TENM2: variants seen among roughly 807,000 people sequenced by gnomAD.
TENM2 encodes teneurin transmembrane protein 2.
In TENM2, 52 loss-of-function variants were observed where a neutral mutation model predicts 245.2. The ratio of observed to expected loss-of-function variants is 0.21; its 90% confidence interval spans 0.17 to 0.27. TENM2 has a LOEUF of 0.27. Among genes scored for constraint, TENM2 ranks in the 10% least tolerant of loss-of-function variants. The pLI is 1.00. For missense variants in TENM2, 3,046 were observed against 3,666.8 expected (o/e 0.83, Z 4.37); for synonymous variants, 1,363 against 1,438.9 (o/e 0.95, Z 1.19).
intron 4 of TENM2, among the ~76,000 whole-genome samples, chr5:167,987,402 A>G (rs1010267151): frequency 6.6e-6 from 1 of 150,760 alleles, no homozygotes; most frequent in Non-Finnish European, 1.5e-5. Flanking sequence ...GTCTCAGCTC[A>G]CTGCAACCTC....
At chr5:167,360,844 C>G (rs557782455) in intron 1 of TENM2, among the ~76,000 whole-genome samples, 35 of 152,228 alleles carry the variant, frequency 2.3e-4, no homozygotes, top group African/African-American at 6.3e-4. Context: ...TGCGTACTAT[C>G]AAACCATAAG....
chr5:167,884,275 T>C (rs927497952), intron 3 of TENM2, among the ~76,000 whole-genome samples: 1 of 152,188 alleles, frequency 6.6e-6, no homozygotes, highest in Admixed American at 6.5e-5. Context: ...AAATTTACCA[T>C]TTATACTATT....
At chr5:168,113,157 ATT>A (rs144728994) in intron 9 of TENM2, among the ~76,000 whole-genome samples, 4 of 150,254 alleles carry the variant, frequency 2.7e-5, no homozygotes, top group African/African-American at 9.8e-5. Context: ...TCTCTACCGA[ATT>A]TTTTTTTTAA....
intron 7 of TENM2, among the ~76,000 whole-genome samples, chr5:168,083,182 C>T (rs2152209119): frequency 6.6e-6 from 1 of 152,300 alleles, no homozygotes; most frequent in Admixed American, 6.5e-5. Context: ...TCGCTGCCAC[C>T]TTGCTGTTGG....
At chr5:167,796,194 T>C (rs961708873) in intron 2 of TENM2, among the ~76,000 whole-genome samples, 1 of 152,206 alleles carries the variant, frequency 6.6e-6, no homozygotes, top group Non-Finnish European at 1.5e-5. Context: ...TCTAGTCATA[T>C]CTACTCTTGA....
intron 1 of TENM2, among the ~76,000 whole-genome samples, chr5:167,372,795 T>C (rs1760514527): frequency 1.3e-5 from 2 of 152,162 alleles, no homozygotes; most frequent in Non-Finnish European, 2.9e-5. Flanking sequence ...GACTTAAGGA[T>C]GAGAAAAGCA....
intron 5 of TENM2, among the ~76,000 whole-genome samples, chr5:168,039,577 C>T (rs1047268404): frequency 1.3e-5 from 2 of 151,880 alleles, no homozygotes; most frequent in Non-Finnish European, 2.9e-5. Flanking sequence ...GCAGCAGGAA[C>T]GGGGTGGTCT....
chr5:167,808,043 A>G (rs1261436927), intron 2 of TENM2, among the ~76,000 whole-genome samples: 2 of 152,206 alleles, frequency 1.3e-5, no homozygotes, highest in Non-Finnish European at 2.9e-5. Flanking sequence ...ACACCATTCA[A>G]TCACTGGCAG....
chr5:167,638,130 TGTGTGTGTGTGTGTC>T (rs1779334107), intron 2 of TENM2, among the ~76,000 whole-genome samples: 1 of 143,006 alleles, frequency 7.0e-6, no homozygotes, highest in Non-Finnish European at 1.5e-5. Flanking sequence ...TGTGTGTGTG[TGTGTGTGTGTGTGTC>T]AGGGGGCATG....
intron 2 of TENM2, among the ~76,000 whole-genome samples, chr5:167,472,565 G>A (rs1454841811): frequency 6.6e-6 from 1 of 152,140 alleles, no homozygotes; most frequent in East Asian, 1.9e-4. Flanking sequence ...AACAGAAAAG[G>A]TCTTGCCTTG....
chr5:167,224,678 A>C, the TENM2 span, among the ~76,000 whole-genome samples: 1 of 151,588 alleles, frequency 6.6e-6, no homozygotes, highest in South Asian at 2.1e-4. Flanking sequence ...CTGGCTATTT[A>C]TTTTTGTTCA....
chr5:167,157,616 T>C, the TENM2 span, among the ~76,000 whole-genome samples: 1 of 152,202 alleles, frequency 6.6e-6, no homozygotes, highest in African/African-American at 2.4e-5. Flanking sequence ...TTTTTATATC[T>C]ATGTGAACAC....
intron 3 of TENM2, among the ~76,000 whole-genome samples, chr5:167,907,114 C>T (rs543778920): frequency 1.3e-5 from 2 of 152,196 alleles, no homozygotes; most frequent in East Asian, 3.9e-4. Context: ...TGCCTGTAAT[C>T]CCAGCTACTC....
intron 1 of TENM2, among the ~76,000 whole-genome samples, chr5:167,346,982 C>T (rs1758498606): frequency 6.6e-6 from 1 of 151,918 alleles, no homozygotes; most frequent in Non-Finnish European, 1.5e-5. Flanking sequence ...CCATGTTGCC[C>T]AGGCTGGTCT....
At chr5:168,154,330 C>A (rs1756960129) in intron 12 of TENM2, among the ~76,000 whole-genome samples, 1 of 152,006 alleles carries the variant, frequency 6.6e-6, no homozygotes, top group African/African-American at 2.4e-5. Flanking sequence ...AATTCTCCTG[C>A]CTCAGCCTCT....
At chr5:167,444,806 A>G (rs1765067739) in intron 2 of TENM2, among the ~76,000 whole-genome samples, 1 of 152,156 alleles carries the variant, frequency 6.6e-6, no homozygotes, top group Admixed American at 6.6e-5. Context: ...GCATTGGGGC[A>G]AGTATTAAAA....
rs118127462 is a variant in TENM2 at position 168,182,391 on chromosome 5, T to C, written c.2570-7946T>C. 1.3e-3 allele frequency among the ~76,000 whole-genome samples: 195 copies of C among 152,306 alleles called. 2 individuals carry two copies. The East Asian group carries it at 0.031, about 25-fold the overall frequency. On this transcript the variant is annotated intron_variant, in intron 13 of 28. Coordinates refer to ENST00000518659, the Ensembl canonical transcript of TENM2. ...TTGCCTCCATCTTAAGTGCTATACATTCATCATCTCATTTCACACGCACCT... is the reference window on the plus strand; with the variant it reads ...TTGCCTCCATCTTAAGTGCTATACACTCATCATCTCATTTCACACGCACCT...
intron 2 of TENM2, among the ~76,000 whole-genome samples, chr5:167,644,374 G>A (rs1779797353): frequency 1.3e-5 from 2 of 152,266 alleles, no homozygotes; most frequent in South Asian, 4.1e-4. Flanking sequence ...TCTTCTAAGT[G>A]TAGCAAATGT....
chr5:167,925,386 G>C (rs1051001773), intron 3 of TENM2, among the ~76,000 whole-genome samples: 7 of 152,168 alleles, frequency 4.6e-5, no homozygotes, highest in African/African-American at 1.7e-4. Flanking sequence ...ACCTGGAAAG[G>C]GGCACGAGGG....
Sources: allele counts gnomAD v4.1 joint callset (sites outside exome capture counted in the v4.1 genomes callset), GRCh38; gene constraint gnomAD v4.1.1; transcripts MANE v1.5; gene names NCBI Gene and HGNC (gene_info 2026-07-23, HGNC 2026-07-21).